The following SYNE1 variants were observed in gnomAD, a reference collection of about 807,000 sequenced individuals.
SYNE1 encodes the protein nesprin-1.
In SYNE1, 616 loss-of-function variants were observed where a neutral mutation model predicts 1,111.0. The ratio of observed to expected loss-of-function variants is 0.55; its 90% confidence interval spans 0.52 to 0.59. The LOEUF (loss-of-function observed/expected upper bound fraction) is 0.59, where lower values mean the gene tolerates loss of function less well. Ranked by LOEUF, SYNE1 falls within the 20% of genes least tolerant of loss-of-function variation. SYNE1 has a pLI of 0.00. For synonymous variants in SYNE1, 3,855 were observed against 3,825.8 expected, an observed-to-expected ratio of 1.01 and a Z score of -0.28; for missense variants, 10,006 against 10,417.0, an observed-to-expected ratio of 0.96 and a Z score of 1.72.
rs1045648091 is a variant in SYNE1 at position 152,236,126 on chromosome 6, T to C, written c.20377A>G (p.Ile6793Val). 1.9e-6 allele frequency: 3 copies of C among 1,614,078 alleles called. No homozygotes were observed. Residue 6793 changes from isoleucine to valine, a missense_variant, in exon 110 of 146, where the codon ATA (isoleucine) becomes GTA (valine). Physicochemically the swap from Ile to Val is conservative, Grantham distance 29 (BLOSUM62 3). Transcript: ENST00000367255. ...MSKELHRLET[I>V]LKHWTRYQSE... ...TATTACCTGGTCCAGTGTTTCAATA[T>C]TGTTTCCAGTCTGTGAAGTTCCTTA...
intron 20 of SYNE1, chr6:152,462,423 C>A: frequency 4.4e-6 from 2 of 456,952 alleles, no homozygotes; most frequent in Non-Finnish European, 7.7e-6. Flanking sequence ...GCAATAAATC[C>A]TTTATTATTG....
At chr6:152,399,002 T>C (rs1386806580) in intron 48 of SYNE1, among the ~76,000 whole-genome samples, 2 of 152,210 alleles carry the variant, frequency 1.3e-5, no homozygotes, top group African/African-American at 2.4e-5. Flanking sequence ...TCCTGTTGTG[T>C]TTTCTCTTTG....
chr6:152,480,862 C>A (rs2098889574), intron 14 of SYNE1: 1 of 448,822 alleles, frequency 2.2e-6, no homozygotes, highest in South Asian at 1.6e-5. Flanking sequence ...CCCTCTCTCT[C>A]TCCCTGATCC....
chr6:152,557,772 G>A (rs1223080180), intron 3 of SYNE1, among the ~76,000 whole-genome samples: 1 of 152,088 alleles, frequency 6.6e-6, no homozygotes, highest in Non-Finnish European at 1.5e-5. Flanking sequence ...AACAAAAACT[G>A]TGGATGTTAG....
chr6:152,600,686 G>T (rs1236026082), intron 3 of SYNE1, among the ~76,000 whole-genome samples: 1 of 152,018 alleles, frequency 6.6e-6, no homozygotes, highest in Non-Finnish European at 1.5e-5. Context: ...TTTCTTCTTG[G>T]CTTTGCTTCA....
chr6:152,509,716 A>G (rs2154337162), intron 8 of SYNE1, among the ~76,000 whole-genome samples: 1 of 152,292 alleles, frequency 6.6e-6, no homozygotes, highest in Middle Eastern at 3.4e-3. Context: ...GACCAAAGGG[A>G]AAAAATTTAA....
chr6:152,351,969 C>T (rs1015785289), intron 70 of SYNE1, 58 bp downstream of exon 70: 3 of 1,538,014 alleles, frequency 2.0e-6, no homozygotes, highest in Non-Finnish European at 1.8e-6. Flanking sequence ...AATCACCTCC[C>T]TCCCATTTGG....
intron 140 of SYNE1, among the ~76,000 whole-genome samples, chr6:152,137,298 T>C (rs1380671439): frequency 6.6e-6 from 1 of 152,070 alleles, no homozygotes; most frequent in African/African-American, 2.4e-5. Context: ...AGGAGTATGA[T>C]TGAGTCCACA....
chr6:152,456,713 A>C, intron 22 of SYNE1: 1 of 450,368 alleles, frequency 2.2e-6, no homozygotes, highest in Non-Finnish European at 4.4e-6. Context: ...TGATTTTGGC[A>C]GTAGACAGCA....
intron 3 of SYNE1, among the ~76,000 whole-genome samples, chr6:152,604,331 CTCACT>C (rs1565132438): frequency 6.6e-6 from 1 of 152,076 alleles, no homozygotes; most frequent in Non-Finnish European, 1.5e-5. Flanking sequence ...GAGACAGGGT[CTCACT>C]CTGTCACCCA....
chr6:152,224,321 G>T (rs1266154577), intron 117 of SYNE1, among the ~76,000 whole-genome samples, 173 bp downstream of exon 117: 1 of 152,012 alleles, frequency 6.6e-6, no homozygotes, highest in African/African-American at 2.4e-5. Context: ...GGCACACACA[G>T]GCAAGTTTGC....
At chr6:152,503,889 AATT>A (rs770655573) in intron 9 of SYNE1, among the ~76,000 whole-genome samples, 34 of 152,316 alleles carry the variant, frequency 2.2e-4, no homozygotes, top group Non-Finnish European at 4.3e-4. Flanking sequence ...ATCATAAAAT[AATT>A]ATTATAATAG....
Position 152,180,299 on chromosome 6 carries a change from A to G in SYNE1, c.23302-5T>C, listed in dbSNP as rs191133498. The G allele has an allele frequency of 2.5e-6, 4 of 1,613,990 alleles. No homozygotes were observed. In the Admixed American group the frequency reaches 6.7e-5, roughly 27 times the overall value. On this transcript the variant is annotated splice_polypyrimidine_tract_variant and splice_region_variant and intron_variant, in intron 128 of 145. Transcript: ENST00000367255. ...TTGCTGCCGCCTTAAGGAGAGCTGA[A>G]AAGTTTAAAATGGGAGAATAGGCAA...
intron 89 of SYNE1, 43 bp from the exon 90 acceptor site, chr6:152,310,060 C>T: frequency 6.4e-7 from 1 of 1,570,896 alleles, no homozygotes; most frequent in African/African-American, 1.4e-5. Flanking sequence ...ATATTTAAAT[C>T]ATTTATTTCA....
chr6:152,481,883 A>G (rs1372879271), intron 14 of SYNE1, among the ~76,000 whole-genome samples: 3 of 151,442 alleles, frequency 2.0e-5, no homozygotes, highest in Non-Finnish European at 4.4e-5. Flanking sequence ...TTTATTTGTG[A>G]GTATCTGCAC....
chr6:152,213,549 T>C (rs1029660516), intron 123 of SYNE1, 63 bp downstream of exon 123: 1 of 1,568,606 alleles, frequency 6.4e-7, no homozygotes, highest in South Asian at 1.1e-5. Context: ...ACACAGCATT[T>C]CGTAGCATCT....
At chr6:152,511,609 GGGA>G (rs1564555327) in intron 6 of SYNE1, 4 of 1,611,240 alleles carry the variant, frequency 2.5e-6, no homozygotes. Flanking sequence ...GAAAAACAAA[GGGA>G]GAAGATAATA....
chr6:152,488,143 A>G (rs1449291664), intron 12 of SYNE1, among the ~76,000 whole-genome samples: 1 of 152,168 alleles, frequency 6.6e-6, no homozygotes, highest in East Asian at 1.9e-4. Flanking sequence ...GTCATCTATA[A>G]GACTGAGTTA....
intron 100 of SYNE1, among the ~76,000 whole-genome samples, chr6:152,267,258 C>T (rs1337608337): frequency 2.0e-5 from 3 of 152,124 alleles, no homozygotes; most frequent in Admixed American, 2.0e-4. Context: ...AAGGATACTA[C>T]CAAATTACAA....
Sources: allele counts gnomAD v4.1 joint callset (sites outside exome capture counted in the v4.1 genomes callset), GRCh38; gene constraint gnomAD v4.1.1; transcripts MANE v1.5; gene names NCBI Gene and HGNC (gene_info 2026-07-23, HGNC 2026-07-21).